CORIN: variants seen among roughly 807,000 people sequenced by gnomAD.
CORIN encodes atrial natriuretic peptide-converting enzyme.
A neutral mutation model predicts 125.3 loss-of-function variants in CORIN; 117 were observed. The observed-to-expected ratio is 0.93, with a 90% CI of 0.80 to 1.09. The LOEUF (loss-of-function observed/expected upper bound fraction) is 1.09, where lower values mean the gene tolerates loss of function less well. Ranked by LOEUF, CORIN falls within the 50% of genes least tolerant of loss-of-function variation. The probability of loss-of-function intolerance (pLI) is 0.00; values close to 1 mark genes in which losing one functional copy is unlikely to be tolerated. For missense variants in CORIN, 1,253 were observed against 1,306.7 expected (o/e 0.96, Z 0.63); for synonymous variants, 450 against 466.4 (o/e 0.96, Z 0.45).
chr4:47,750,026 C>A (rs1046221981), intron 4 of CORIN, among the ~76,000 whole-genome samples: 3 of 152,228 alleles, frequency 2.0e-5, no homozygotes, highest in Non-Finnish European at 4.4e-5. Context: ...TCTTGCCTAT[C>A]TGACCTCCTT....
In CORIN at chr4:47,600,311, A is replaced by C. The variant is rs376217499; in HGVS notation, c.2849T>G (p.Ile950Ser). The change falls in exon 21 of 22, where the codon ATT becomes AGT. Residue 950 changes from isoleucine to serine, a missense_variant. Transcript: ENST00000273857. ...FKLQEGEVRI[I>S]SLEHCQSYFD... is the part of the protein sequence containing the mutation. ...GTAGGACTGACAATGTTCCAGAGAAATAATGCGGACCTCTCCCTCTTGCAG... is the reference window on the plus strand; with the variant it reads ...GTAGGACTGACAATGTTCCAGAGAACTAATGCGGACCTCTCCCTCTTGCAG... 4 of 1,613,590 alleles carry C rather than the reference A, an allele frequency of 2.5e-6. No individual in the cohort carries two copies. Among genetic ancestry groups the C allele is most frequent in the Non-Finnish European group, 3.4e-6 (4 of 1,179,668 alleles).
intron 4 of CORIN, among the ~76,000 whole-genome samples, chr4:47,746,748 G>C (rs1221435392): frequency 1.3e-5 from 2 of 152,096 alleles, no homozygotes; most frequent in Non-Finnish European, 2.9e-5. Flanking sequence ...TGGCCAGGCT[G>C]GTCTCAAACT....
intron 3 of CORIN, among the ~76,000 whole-genome samples, chr4:47,774,017 T>G (rs1730177658): frequency 1.3e-5 from 2 of 152,170 alleles, no homozygotes; most frequent in African/African-American, 4.8e-5. Context: ...TCTACTTGAT[T>G]CAAAACTACC....
At chr4:47,623,096 C>CTCTCTCTCATATATATA (rs771867590) in intron 19 of CORIN, among the ~76,000 whole-genome samples, 1 of 102,306 alleles carries the variant, frequency 9.8e-6, no homozygotes, top group African/African-American at 4.3e-5. Context: ...CTCTCTCTCT[C>CTCTCTCTCATATATATA]TATATATATA....
Position 47,837,882 on chromosome 4 carries a change from C to T in CORIN, c.63+5G>A. ...TGCGGTAGGACAGCGAATCATCGAT[C>T]TTACCGGCTTTGGGGACCCGGCTCT... On this transcript the variant is annotated splice_donor_5th_base_variant and intron_variant, in intron 1 of 21. Transcript: ENST00000273857. 1 of 1,613,472 alleles carries T rather than the reference C, an allele frequency of 6.2e-7. No individual in the cohort carries two copies.
At chr4:47,738,963 A>G (rs1728258430) in intron 5 of CORIN, among the ~76,000 whole-genome samples, 1 of 151,934 alleles carries the variant, frequency 6.6e-6, no homozygotes, top group African/African-American at 2.4e-5. Flanking sequence ...AGACTTGATC[A>G]GGCAGAAGAG....
rs113662211 is a variant in CORIN at position 47,724,619 on chromosome 4, A to C, written c.799+19783T>G. On this transcript the variant is annotated intron_variant, in intron 5 of 21. Transcript: ENST00000273857. ...AAGAAAATAAAATCAAAATAATCAA[A>C]TGACTGGAATTTATTCAGGAATGCA... Among the ~76,000 whole-genome samples, 89 of 152,314 alleles carry C rather than the reference A, an allele frequency of 5.8e-4. 1 individual carries two copies. The highest frequency in any genetic ancestry group is 1.9e-3 in the African/African-American group (80 of 41,576).
rs944257687 is a variant in CORIN, at chr4:47,704,051, T to G, written c.800-10968A>C. Among the ~76,000 whole-genome samples the G allele has an allele frequency of 1.2e-3, 187 of 152,342 alleles. No homozygotes were observed. The Middle Eastern group carries it at 0.02, about 17-fold the overall frequency. On this transcript the variant is annotated intron_variant, in intron 5 of 21. Coordinates refer to ENST00000273857, the MANE Select transcript of CORIN (RefSeq NM_006587.4). ...CACTGTTTAATCGTTTGTGTCCTGT[T>G]AAATGATTTACACGCTGGTGGAACA...
intron 5 of CORIN, chr4:47,706,659 G>A (rs961731897): frequency 3.1e-6 from 5 of 1,610,334 alleles, no homozygotes; most frequent in South Asian, 1.1e-5. Flanking sequence ...AATTTTGCTC[G>A]AAGCCTTCAG....
chr4:47,801,274 A>G (rs1731530109), intron 2 of CORIN, among the ~76,000 whole-genome samples: 1 of 152,100 alleles, frequency 6.6e-6, no homozygotes, highest in Non-Finnish European at 1.5e-5. Flanking sequence ...CAACCTTCCA[A>G]TCTTTATTTC....
intron 5 of CORIN, 132 bp downstream of exon 5, chr4:47,744,270 G>A: frequency 1.2e-6 from 1 of 812,542 alleles, no homozygotes; most frequent in Admixed American, 2.8e-5. Flanking sequence ...CTTGATCTGG[G>A]TTCTGGTTAC....
intron 2 of CORIN, among the ~76,000 whole-genome samples, chr4:47,798,271 C>A (rs1041686643): frequency 3.1e-4 from 47 of 152,084 alleles, no homozygotes; most frequent in African/African-American, 1.1e-3. Flanking sequence ...TGAGGGAAAC[C>A]ACAACAGACA....
intron 5 of CORIN, among the ~76,000 whole-genome samples, chr4:47,736,721 C>T (rs1368876789): frequency 2.0e-5 from 3 of 152,152 alleles, no homozygotes; most frequent in African/African-American, 7.2e-5. Flanking sequence ...TGAGAACATG[C>T]CCTAAGAGTC....
At chr4:47,603,156 A>T (rs1165912891) in intron 20 of CORIN, among the ~76,000 whole-genome samples, 1 of 152,048 alleles carries the variant, frequency 6.6e-6, no homozygotes, top group Admixed American at 6.6e-5. Flanking sequence ...CTTGATAGTG[A>T]GTTCTCACGA....
rs199725087 is a variant in CORIN at position 47,763,458 on chromosome 4, G to T, written c.538C>A (p.Arg180Ser). ...ATGATATGTTGATAGCAACTGAGGC[G>T]ATGGAGATATGTGAAAAACTTGAGG... ...KFLKFFTYLH[R>S]LSCYQHIMLF... The change falls in exon 4 of 22, where the codon CGC becomes AGC. Residue 180 changes from arginine to serine, a missense_variant. By Grantham distance (110) the Arg-to-Ser change is moderately radical (BLOSUM62 -1). Coordinates refer to ENST00000273857, the MANE Select transcript of CORIN (RefSeq NM_006587.4). 3.9e-5 allele frequency: 63 copies of T among 1,614,020 alleles called. No individual in the cohort carries two copies. Among genetic ancestry groups the T allele is most frequent in the Non-Finnish European group, 5.2e-5 (61 of 1,180,010 alleles).
At chr4:47,700,317 T>C (rs1726228148) in intron 5 of CORIN, among the ~76,000 whole-genome samples, 1 of 151,934 alleles carries the variant, frequency 6.6e-6, no homozygotes, top group Non-Finnish European at 1.5e-5. Flanking sequence ...AGACTCAGAG[T>C]AAGAAGTGAC....
chr4:47,655,420 T>C (rs557430643), intron 12 of CORIN, among the ~76,000 whole-genome samples: 1 of 152,246 alleles, frequency 6.6e-6, no homozygotes, highest in East Asian at 1.9e-4. Flanking sequence ...TTTCTGGATG[T>C]GCCCTGAGTC....
intron 19 of CORIN, among the ~76,000 whole-genome samples, chr4:47,615,157 C>A (rs6839273): frequency 0.27 from 40,940 of 151,998 alleles, 5,652 homozygotes; most frequent in Admixed American, 0.35. Flanking sequence ...TGAATGAAAG[C>A]TAGCATGGTT....
intron 2 of CORIN, among the ~76,000 whole-genome samples, chr4:47,795,471 A>G (rs778001430): frequency 2.0e-5 from 3 of 152,042 alleles, no homozygotes; most frequent in Non-Finnish European, 4.4e-5. Context: ...TCAGCATTTT[A>G]TAGTTTTCAG....
Sources: allele counts gnomAD v4.1 joint callset (sites outside exome capture counted in the v4.1 genomes callset), GRCh38; gene constraint gnomAD v4.1.1; transcripts MANE v1.5; gene names NCBI Gene and HGNC (gene_info 2026-07-23, HGNC 2026-07-21).